WBP2NL: variants seen among roughly 807,000 people sequenced by gnomAD.
The protein encoded by WBP2NL is postacrosomal sheath WW domain-binding protein.
A neutral mutation model predicts 23.3 loss-of-function variants in WBP2NL; 27 were observed. The observed-to-expected ratio is 1.16, with a 90% CI of 0.85 to 1.60. The LOEUF is 1.60. WBP2NL is among the 40% of genes most tolerant of loss of function. The pLI is 0.00. For synonymous variants in WBP2NL, 151 were observed against 145.9 expected (o/e 1.03, Z -0.25); for missense variants, 370 against 389.5 (o/e 0.95, Z 0.42).
At chr22:42,052,894 T>C (rs1925886169) in intron 8 of WBP2NL, among the ~76,000 whole-genome samples, 1 of 152,174 alleles carries the variant, frequency 6.6e-6, no homozygotes, top group South Asian at 2.1e-4. Flanking sequence ...GCAAAAGCCA[T>C]GTGTTATTTG....
rs777014064 is a variant in WBP2NL, at chr22:42,026,920, A to G, written c.669A>G (p.Gly223=). 1.2e-6 allele frequency: 2 copies of G among 1,611,602 alleles called. No individual in the cohort carries two copies. Residue 223 remains glycine, a synonymous_variant, in exon 6 of 6, where the codon GGA becomes GGG. Coordinates refer to ENST00000328823, the MANE Select transcript of WBP2NL (RefSeq NM_152613.3). ...TGCGATATGGAGCCCCACCTCTTGG[A>G]TACGGAGCCCCACCTGCAGGATATG... ...SPVRYGAPPL[G]YGAPPAGYGA...
At chr22:42,053,257 C>A (rs1925900942) in intron 8 of WBP2NL, among the ~76,000 whole-genome samples, 1 of 152,098 alleles carries the variant, frequency 6.6e-6, no homozygotes, top group African/African-American at 2.4e-5. Context: ...TACTTTTTGG[C>A]TATTATGAAT....
intron 8 of WBP2NL, among the ~76,000 whole-genome samples, chr22:42,055,121 C>T (rs1021597722): frequency 3.9e-5 from 6 of 152,090 alleles, no homozygotes; most frequent in African/African-American, 1.4e-4. Flanking sequence ...CTCACTGCAA[C>T]CTCTGCCTCC....
chr22:42,039,147 C>T (rs542982198), intron 8 of WBP2NL, among the ~76,000 whole-genome samples: 2 of 151,810 alleles, frequency 1.3e-5, no homozygotes, highest in Admixed American at 1.3e-4. Context: ...TGTCGGCTCA[C>T]TGCAATTTCC....
intron 1 of WBP2NL, 105 bp downstream of exon 1, chr22:41,998,985 TG>T: frequency 7.5e-7 from 1 of 1,325,284 alleles, no homozygotes; most frequent in Non-Finnish European, 1.0e-6. Flanking sequence ...CCGCCTTTTT[TG>T]GGCGCGGCGC....
At chr22:42,023,950 CA>C in intron 5 of WBP2NL, among the ~76,000 whole-genome samples, 1 of 152,266 alleles carries the variant, frequency 6.6e-6, no homozygotes, top group Middle Eastern at 3.4e-3. Flanking sequence ...GGTCTGGTTT[CA>C]AAACTTTTTA....
Position 42,041,468 on chromosome 22 carries a change from G to A in WBP2NL, c.*273+10645G>A, listed in dbSNP as rs371061980. On this transcript the variant is annotated intron_variant and NMD_transcript_variant, in intron 8 of 8. Transcript: ENST00000436265. ...CTGCACTCTAGCCTGGCAACAGGGC[G>A]AGGTTCTGTCTTTAAAAAAAAAAAA... 1.7e-3 allele frequency among the ~76,000 whole-genome samples: 239 copies of A among 141,212 alleles called. 2 individuals are homozygous for A. In the Middle Eastern group the frequency reaches 0.023, roughly 13 times the overall value. The allele number at this position is 141,212 out of a possible 152,430, so 92.6% of individuals were successfully genotyped here. A position where few individuals can be genotyped will look rare whatever the true frequency, so the allele number is the denominator to read the frequency against.
chr22:42,009,653 C>G (rs9620007), intron 1 of WBP2NL, among the ~76,000 whole-genome samples: 44,535 of 152,068 alleles, frequency 0.29, 7,015 homozygotes, highest in Admixed American at 0.37. Context: ...AGATTTGTTT[C>G]TATTCTAGTC....
intron 8 of WBP2NL, among the ~76,000 whole-genome samples, chr22:42,043,016 GAAAAAAAAAAAA>G (rs59812729): frequency 1.8e-5 from 1 of 55,392 alleles, no homozygotes; most frequent in African/African-American, 5.2e-5. Flanking sequence ...AGTGAGCCAA[GAAAAAAAAAAAA>G]AAAAAAAAAA....
chr22:42,054,922 A>G (rs1925977254), intron 8 of WBP2NL, among the ~76,000 whole-genome samples: 1 of 152,148 alleles, frequency 6.6e-6, no homozygotes, highest in Non-Finnish European at 1.5e-5. Flanking sequence ...CTATAGATGT[A>G]TGGGTTTATT....
intron 1 of WBP2NL, among the ~76,000 whole-genome samples, chr22:42,004,117 G>A (rs184739369): frequency 6.6e-6 from 1 of 151,932 alleles, no homozygotes; most frequent in African/African-American, 2.4e-5. Flanking sequence ...CTAAGAATAT[G>A]TAAAATTTGC....
downstream of WBP2NL, among the ~76,000 whole-genome samples, chr22:42,030,304 A>G (rs17002811): frequency 0.029 from 4,414 of 152,352 alleles, 211 homozygotes; most frequent in African/African-American, 0.1. Context: ...GGAGTATGCT[A>G]GACCTTAAAG....
At chr22:42,047,535 A>T (rs1925640955) in intron 8 of WBP2NL, among the ~76,000 whole-genome samples, 5 of 150,860 alleles carry the variant, frequency 3.3e-5, no homozygotes, top group African/African-American at 7.3e-5. Context: ...GGTTGCAGTG[A>T]GCTGAGATCA....
At chr22:42,045,548 T>C (rs1382655410) in intron 8 of WBP2NL, among the ~76,000 whole-genome samples, 1 of 152,216 alleles carries the variant, frequency 6.6e-6, no homozygotes, top group Non-Finnish European at 1.5e-5. Context: ...AAAATCACTG[T>C]TGATCCCATG....
chr22:42,039,035 G>A (rs906410738), intron 8 of WBP2NL, among the ~76,000 whole-genome samples: 2 of 151,444 alleles, frequency 1.3e-5, no homozygotes, highest in African/African-American at 4.9e-5. Flanking sequence ...CCTCTCTTAC[G>A]TAGCTGGGAC....
At position 42,027,313 on chromosome 22, in the gene WBP2NL, C is replaced by T. The variant is rs891216298; in HGVS notation, c.*132C>T. 2.7e-5 allele frequency: 32 copies of T among 1,169,374 alleles called. No homozygotes were observed. The highest frequency in any genetic ancestry group is 3.6e-5 in the Non-Finnish European group (31 of 862,430). The allele number at this position is 1,169,374 out of a possible 1,614,324, so 72.4% of individuals were successfully genotyped here. On this transcript the variant is annotated 3_prime_UTR_variant, in exon 6 of 6. Coordinates refer to ENST00000328823, the MANE Select transcript of WBP2NL (RefSeq NM_152613.3). The stretch of plus-strand genomic sequence containing the variant: ...GTAGTTGTTCCACCCTTTGGAAGGG[C>T]AATCTTATGGGGGAAGGTGAAACTT...
intron 4 of WBP2NL, among the ~76,000 whole-genome samples, chr22:42,020,918 T>A (rs1366047021): frequency 1.2e-5 from 1 of 80,890 alleles, no homozygotes; most frequent in Non-Finnish European, 2.5e-5. Flanking sequence ...ATTTTTTTTT[T>A]TTTTTTTTTT....
rs1262161501 is a variant in WBP2NL, at chr22:41,999,006, C to T, written c.62+126C>T. On this transcript the variant is annotated intron_variant, in intron 1 of 5. Coordinates refer to ENST00000328823, the MANE Select transcript of WBP2NL (RefSeq NM_152613.3). Reference sequence around the variant, plus strand: ...TTTTTGGGCGCGGCGCTCTTAGCTCCGCCCCCGACCTTTGGGAGCGCGCGC... The same window carrying T: ...TTTTTGGGCGCGGCGCTCTTAGCTCTGCCCCCGACCTTTGGGAGCGCGCGC... 3 of 1,144,808 alleles carry T rather than the reference C, an allele frequency of 2.6e-6. No homozygotes were observed. In the East Asian group the frequency reaches 8.4e-5, roughly 32 times the overall value. The allele number at this position is 1,144,808 out of a possible 1,614,324, so 70.9% of individuals were successfully genotyped here. A position where few individuals can be genotyped will look rare whatever the true frequency, so the allele number is the denominator to read the frequency against.
At position 42,028,213 on chromosome 22, in the gene WBP2NL, A is replaced by T. The variant is rs1924679054; in HGVS notation, c.*1032A>T. 4 of 397,148 alleles carry T rather than the reference A, an allele frequency of 1.0e-5. No homozygotes were observed. Among genetic ancestry groups the T allele is most frequent in the African/African-American group, 2.1e-5 (1 of 48,708 alleles). 24.6% of individuals were successfully genotyped at this position (397,148 alleles called of 1,614,324 possible). On this transcript the variant is annotated 3_prime_UTR_variant, in exon 6 of 6. Transcript: ENST00000328823. ...TACTACGTATGCAGAAATTTCTAAG[A>T]CTTGTTGATAAGGAGAAAAGCAAGT...
Sources: allele counts gnomAD v4.1 joint callset (sites outside exome capture counted in the v4.1 genomes callset), GRCh38; gene constraint gnomAD v4.1.1; transcripts MANE v1.5; gene names NCBI Gene and HGNC (gene_info 2026-07-23, HGNC 2026-07-21).